NRG1: variants seen among roughly 807,000 people sequenced by gnomAD.
NRG1 encodes the protein neuregulin 1.
NRG1 carries 18 observed loss-of-function variants against 63.8 expected under a neutral mutation model. The ratio of observed to expected loss-of-function variants is 0.28; its 90% CI spans 0.19 to 0.42. The LOEUF (loss-of-function observed/expected upper bound fraction) is 0.42. NRG1 is among the 10% of genes least tolerant of loss of function. The probability of loss-of-function intolerance (pLI) is 1.00; values close to 1 mark genes in which losing one functional copy is unlikely to be tolerated. For synonymous variants in NRG1, 302 were observed against 301.3 expected (o/e 1.00, Z -0.02); for missense variants, 762 against 814.7 (o/e 0.94, Z 0.79).
rs990265336 is a variant in NRG1 at position 32,397,151 on chromosome 8, GATAGATAATCT to G, written c.38-198669_38-198659del. 6.2e-4 allele frequency among the ~76,000 whole-genome samples: 95 copies of G among 152,204 alleles called. 1 individual carries two copies. Among genetic ancestry groups the G allele is most frequent in the Non-Finnish European group, 1.5e-5 (1 of 68,002 alleles). The stretch of plus-strand genomic sequence containing the variant: ...AGATAGATAGGTAGATAGATACATA[GATAGATAATCT>G]ATAGATATCTAATGCCTGGAAAGCT... On this transcript the variant is annotated intron_variant, in intron 1 of 10. Transcript: ENST00000519301.
chr8:32,688,026 C>T (rs1041713203), intron 5 of NRG1, among the ~76,000 whole-genome samples: 1 of 152,008 alleles, frequency 6.6e-6, no homozygotes, highest in Non-Finnish European at 1.5e-5. Flanking sequence ...GACAAATATC[C>T]AAACTATATC....
chr8:31,925,000 T>G (rs1395898954), intron 1 of NRG1, among the ~76,000 whole-genome samples: 1 of 151,342 alleles, frequency 6.6e-6, no homozygotes, highest in Non-Finnish European at 1.5e-5. Context: ...AATGAACTTG[T>G]TTTATTGCTT....
intron 1 of NRG1, among the ~76,000 whole-genome samples, chr8:31,945,242 C>A (rs1365815671): frequency 6.6e-6 from 1 of 152,110 alleles, no homozygotes; most frequent in Non-Finnish European, 1.5e-5. Flanking sequence ...AGGCTGAATT[C>A]TCTTTTTAAC....
chr8:31,647,008 A>G (rs1804351716), intron 1 of NRG1, among the ~76,000 whole-genome samples: 1 of 152,204 alleles, frequency 6.6e-6, no homozygotes, highest in African/African-American at 2.4e-5. Flanking sequence ...AAAAAATTCC[A>G]GTGTTGTAAA....
intron 1 of NRG1, among the ~76,000 whole-genome samples, chr8:32,346,290 A>G (rs1323275739): frequency 2.0e-5 from 3 of 149,720 alleles, no homozygotes; most frequent in African/African-American, 7.3e-5. Flanking sequence ...ATTTATATAT[A>G]AATTGTAGAT....
intron 1 of NRG1, among the ~76,000 whole-genome samples, chr8:32,423,753 T>C (rs1437542139): frequency 6.6e-6 from 1 of 152,234 alleles, no homozygotes; most frequent in Non-Finnish European, 1.5e-5. Flanking sequence ...AAACACACCA[T>C]ACACTTATTC....
intron 1 of NRG1, among the ~76,000 whole-genome samples, chr8:31,990,508 G>A (rs1810880839): frequency 6.6e-6 from 1 of 152,018 alleles, no homozygotes; most frequent in Non-Finnish European, 1.5e-5. Context: ...AACTAGCAGG[G>A]CATTTCTAGT....
chr8:32,189,080 A>G (rs1231206202), intron 1 of NRG1, among the ~76,000 whole-genome samples: 1 of 152,154 alleles, frequency 6.6e-6, no homozygotes. Flanking sequence ...TCAAACTTCT[A>G]TCCTGTAGAA....
At chr8:32,764,146 T>A in exon 12 of NRG1, 1 of 1,613,956 alleles carries the variant, frequency 6.2e-7, no homozygotes, top group East Asian at 2.2e-5. Context: ...AATGGCCACA[T>A]TGCTAACAGA....
chr8:32,043,622 C>G (rs542514704), intron 1 of NRG1, among the ~76,000 whole-genome samples: 1 of 151,780 alleles, frequency 6.6e-6, no homozygotes, highest in African/African-American at 2.4e-5. Context: ...AGTTTTTATC[C>G]AGTATGCATA....
At chr8:32,255,827 C>T (rs527764253) in intron 1 of NRG1, among the ~76,000 whole-genome samples, 21 of 152,288 alleles carry the variant, frequency 1.4e-4, no homozygotes, top group African/African-American at 4.1e-4. Context: ...CCATTCTCCC[C>T]GTGACTTTCA....
intron 1 of NRG1, among the ~76,000 whole-genome samples, chr8:31,888,669 GT>G (rs11436724): frequency 5.3e-5 from 8 of 150,338 alleles, no homozygotes; most frequent in African/African-American, 9.8e-5. Flanking sequence ...TCCCAAATCT[GT>G]TTTTTTTTAT....
chr8:32,431,505 T>C (rs1337473327), intron 1 of NRG1, among the ~76,000 whole-genome samples: 2 of 152,080 alleles, frequency 1.3e-5, no homozygotes, highest in Non-Finnish European at 2.9e-5. Context: ...GGTAACTTCA[T>C]CTGTGTGTAC....
chr8:31,995,728 G>C (rs1455588494), intron 1 of NRG1, among the ~76,000 whole-genome samples: 1 of 151,810 alleles, frequency 6.6e-6, no homozygotes, highest in African/African-American at 2.4e-5. Context: ...TGAAGACAAA[G>C]GTACCTTTTT....
intron 5 of NRG1, among the ~76,000 whole-genome samples, chr8:32,680,926 C>G (rs994666286): frequency 2.6e-5 from 4 of 151,936 alleles, no homozygotes; most frequent in African/African-American, 9.7e-5. Flanking sequence ...TGATACCATC[C>G]TGTTTTACTG....
intron 1 of NRG1, among the ~76,000 whole-genome samples, chr8:32,093,374 A>G (rs1161035101): frequency 6.6e-6 from 1 of 152,190 alleles, no homozygotes; most frequent in East Asian, 1.9e-4. Flanking sequence ...CCTTTGGACA[A>G]AGGTCCCTTT....
chr8:31,856,570 A>G (rs1827896182), intron 1 of NRG1, among the ~76,000 whole-genome samples: 1 of 152,200 alleles, frequency 6.6e-6, no homozygotes, highest in African/African-American at 2.4e-5. Flanking sequence ...GTCCTCCCGT[A>G]GCTCGGAGTA....
intron 1 of NRG1, among the ~76,000 whole-genome samples, chr8:31,770,745 A>G (rs1218725371): frequency 6.8e-6 from 1 of 147,300 alleles, no homozygotes; most frequent in Non-Finnish European, 1.5e-5. Flanking sequence ...GTGCACATGT[A>G]CCCTAGAACT....
chr8:32,041,025 T>C (rs1034839002), intron 1 of NRG1, among the ~76,000 whole-genome samples: 11 of 151,974 alleles, frequency 7.2e-5, no homozygotes, highest in African/African-American at 2.7e-4. Context: ...TTTGAAAAAA[T>C]TTCTGACATC....
Sources: allele counts gnomAD v4.1 joint callset (sites outside exome capture counted in the v4.1 genomes callset), GRCh38; gene constraint gnomAD v4.1.1; transcripts MANE v1.5; gene names NCBI Gene and HGNC (gene_info 2026-07-23, HGNC 2026-07-21).